The following ZFPM1 variants were observed in gnomAD, a reference collection of about 807,000 sequenced individuals.
ZFPM1 encodes zinc finger protein ZFPM1.
ZFPM1 carries 28 observed loss-of-function variants against 46.3 expected under a neutral mutation model. The ratio of observed to expected loss-of-function variants is 0.60; its 90% CI spans 0.45 to 0.83. The LOEUF is 0.83. Ranked by LOEUF, ZFPM1 falls within the 40% of genes least tolerant of loss-of-function variation. ZFPM1 has a pLI of 0.00. For synonymous variants in ZFPM1, 957 were observed against 675.9 expected (o/e 1.42, Z -6.45); for missense variants, 1,878 against 1,432.4 (o/e 1.31, Z -5.02).
rs139273652 is a variant in ZFPM1 at position 88,517,977 on chromosome 16, G to A, written c.402+3457G>A. Among the ~76,000 whole-genome samples the A allele has an allele frequency of 6.4e-3, 970 of 152,164 alleles. 8 individuals carry two copies. The highest frequency in any genetic ancestry group is 0.022 in the African/African-American group (917 of 41,526). On this transcript the variant is annotated intron_variant, in intron 4 of 9. Coordinates refer to ENST00000319555, the MANE Select transcript of ZFPM1 (RefSeq NM_153813.3). ...TGTAATCCCAGCACTTTGGGAGGCC[G>A]AGGTGGGCGGATCATGAAGTCAGGA...
chr16:88,484,069 C>G (rs1909087413), intron 1 of ZFPM1, among the ~76,000 whole-genome samples: 1 of 152,208 alleles, frequency 6.6e-6, no homozygotes, highest in South Asian at 2.1e-4. Flanking sequence ...TCCGACCAGC[C>G]CATCTCCCTC....
chr16:88,460,379 C>T (rs982586630), intron 1 of ZFPM1, among the ~76,000 whole-genome samples: 2 of 152,216 alleles, frequency 1.3e-5, no homozygotes, highest in African/African-American at 4.8e-5. Flanking sequence ...GGGGAGCTGC[C>T]TGCCATCTTT....
At chr16:88,514,330 G>A in intron 3 of ZFPM1, 57 bp from the exon 4 acceptor site, 7 of 1,545,638 alleles carry the variant, frequency 4.5e-6, no homozygotes, top group Non-Finnish European at 6.1e-6. Flanking sequence ...CTAGCGGGAG[G>A]TGGGCTGGAC....
At chr16:88,479,773 C>T (rs1341282341) in intron 1 of ZFPM1, among the ~76,000 whole-genome samples, 32 of 149,238 alleles carry the variant, frequency 2.1e-4, no homozygotes, top group African/African-American at 7.7e-4. Context: ...TCTGCCTCCC[C>T]AGCCCCACCC....
chr16:88,503,503 C>T (rs1342723045), intron 3 of ZFPM1, among the ~76,000 whole-genome samples: 1 of 151,174 alleles, frequency 6.6e-6, no homozygotes. Flanking sequence ...TGGGGAGGGG[C>T]CGGCCTGTTC....
rs764240451 is a variant in ZFPM1, at chr16:88,534,326, G to C, written c.2368G>C (p.Ala790Pro). 1.5e-6 allele frequency: 2 copies of C among 1,338,178 alleles called. No individual in the cohort carries two copies. The highest frequency in any genetic ancestry group is 1.9e-6 in the Non-Finnish European group (2 of 1,045,256). 82.9% of individuals were successfully genotyped at this position (1,338,178 alleles called of 1,614,324 possible). A position where few individuals can be genotyped will look rare whatever the true frequency, so the allele number is the denominator to read the frequency against. Residue 790 changes from alanine to proline, a missense_variant, in exon 10 of 10, where the codon GCG (alanine) becomes CCG (proline). Transcript: ENST00000319555. ...CGCCCCTGCGCGCTCGCCCGGCCCC[G>C]CGGCCGACGGCCCCATCGACCTGAG... is the stretch of plus-strand genomic sequence containing the variant. ...GLAPARSPGP[A>P]ADGPIDLSKK... is the part of the protein sequence containing the mutation.
At chr16:88,465,803 C>G (rs1908107864) in intron 1 of ZFPM1, among the ~76,000 whole-genome samples, 1 of 152,220 alleles carries the variant, frequency 6.6e-6, no homozygotes, top group Admixed American at 6.5e-5. Context: ...AAAGCCGCCT[C>G]CTTCAGCTGA....
At chr16:88,500,891 C>G (rs1056257338) in intron 3 of ZFPM1, among the ~76,000 whole-genome samples, 1 of 152,256 alleles carries the variant, frequency 6.6e-6, no homozygotes, top group Admixed American at 6.5e-5. Context: ...CCCTAGACGG[C>G]ACCTCGGTGT....
In ZFPM1 at chr16:88,533,994, AC is replaced by A. The variant is rs1230884003; in HGVS notation, c.2040del (p.Ser681AlafsTer117). On this transcript the variant is annotated frameshift_variant, in exon 10 of 10. Transcript: ENST00000319555. LOFTEE classifies it low-confidence loss of function (END_TRUNC). ...PGSSVDDAED[D>X]PSRTLCEACN... ...AGCTCCGTGGACGACGCGGAGGACG[AC>A]CCCAGCCGCACGCTGTGCGAGGCCT... 7.4e-7 allele frequency: 1 copy of A among 1,352,462 alleles called. No homozygotes were observed. The highest frequency in any genetic ancestry group is 1.2e-5 in the South Asian group (1 of 80,382). 83.8% of individuals were successfully genotyped at this position (1,352,462 alleles called of 1,614,324 possible).
intron 6 of ZFPM1, chr16:88,530,432 G>A (rs889048365): frequency 6.6e-6 from 1 of 152,210 alleles, no homozygotes; most frequent in Non-Finnish European, 1.5e-5. Context: ...CACACATCTT[G>A]TTGACATACC....
At chr16:88,520,356 T>C (rs924578357) in intron 4 of ZFPM1, among the ~76,000 whole-genome samples, 1 of 149,986 alleles carries the variant, frequency 6.7e-6, no homozygotes, top group African/African-American at 2.5e-5. Context: ...GATAGATGAA[T>C]AGATGGGTGG....
intron 3 of ZFPM1, among the ~76,000 whole-genome samples, chr16:88,491,575 C>T (rs981091365): frequency 1.3e-5 from 2 of 152,178 alleles, no homozygotes. Flanking sequence ...TCCATCCCTG[C>T]GGTGTTGAGA....
Position 88,534,925 on chromosome 16 carries a change from C to A in ZFPM1, c.2967C>A (p.Phe989Leu). Reference protein sequence around the residue: ...CNIKFSSLSTFIAHKKYYCSS... With the variant: ...CNIKFSSLSTLIAHKKYYCSS... ...TCAAGTTCAGCAGCCTGTCCACCTT[C>A]ATCGCCCACAAGAAGTATTACTGCT... Residue 989 changes from phenylalanine to leucine, a missense_variant, in exon 10 of 10, where the codon TTC (phenylalanine) becomes TTA (leucine). Phe to Leu is a conservative substitution (Grantham distance 22, BLOSUM62 0). Coordinates refer to ENST00000319555, the MANE Select transcript of ZFPM1 (RefSeq NM_153813.3). 1 of 1,548,648 alleles carries A rather than the reference C, an allele frequency of 6.5e-7. No homozygotes were observed. Among genetic ancestry groups the A allele is most frequent in the Non-Finnish European group, 8.7e-7 (1 of 1,148,780 alleles).
At chr16:88,473,694 C>T (rs1457730324) in intron 1 of ZFPM1, among the ~76,000 whole-genome samples, 2 of 152,120 alleles carry the variant, frequency 1.3e-5, no homozygotes, top group East Asian at 1.9e-4. Context: ...GGAGGGGGGT[C>T]GCTCCCCAGC....
rs1369999722 is a variant in ZFPM1, at chr16:88,536,483, C to G, written c.*1504C>G. On this transcript the variant is annotated 3_prime_UTR_variant, in exon 10 of 10. Coordinates refer to ENST00000319555, the MANE Select transcript of ZFPM1 (RefSeq NM_153813.3). ...GCTACCATTCCCAGCCCATTTCCAA[C>G]TCTACTTGAACTAGCTGCATTTTTT... 6.6e-6 allele frequency: 1 copy of G among 152,272 alleles called. No homozygotes were observed. The highest frequency in any genetic ancestry group is 2.4e-5 in the African/African-American group (1 of 41,468). 9.4% of individuals were successfully genotyped at this position (152,272 alleles called of 1,614,324 possible). A position where few individuals can be genotyped will look rare whatever the true frequency, so the allele number is the denominator to read the frequency against.
Position 88,491,091 on chromosome 16 carries a change from C to T in ZFPM1, c.268+1938C>T, listed in dbSNP as rs112676047. 3.5e-3 allele frequency among the ~76,000 whole-genome samples: 526 copies of T among 150,366 alleles called. 3 individuals carry two copies. Among genetic ancestry groups the T allele is most frequent in the Middle Eastern group, 0.01 (3 of 294 alleles). On this transcript the variant is annotated intron_variant, in intron 3 of 9. Coordinates refer to ENST00000319555, the MANE Select transcript of ZFPM1 (RefSeq NM_153813.3). ...GGTGCCTTCGCGGGTCCCAGTCAGG[C>T]GCTGGTGCCTTCGGGGGTCCCAGTC...
In ZFPM1 at chr16:88,533,679, C is replaced by G. The variant is rs775597057; in HGVS notation, c.1721C>G (p.Pro574Arg). Residue 574 changes from proline to arginine, a missense_variant, in exon 10 of 10, where the codon CCC (proline) becomes CGC (arginine). Physicochemically the swap from Pro to Arg is moderately radical, Grantham distance 103. Coordinates refer to ENST00000319555, the MANE Select transcript of ZFPM1 (RefSeq NM_153813.3). ...GAQTGLFPGAPKGATCFECEI... is the reference protein window; with the variant it reads ...GAQTGLFPGARKGATCFECEI... ...CAGACCGGGCTCTTCCCCGGGGCCCCCAAGGGCGCTACGTGCTTCGAGTGC... is the reference window on the plus strand; with the variant it reads ...CAGACCGGGCTCTTCCCCGGGGCCCGCAAGGGCGCTACGTGCTTCGAGTGC... 2 of 1,494,844 alleles carry G rather than the reference C, an allele frequency of 1.3e-6. No homozygotes were observed. The highest frequency in any genetic ancestry group is 1.8e-6 in the Non-Finnish European group (2 of 1,117,798). The allele number at this position is 1,494,844 out of a possible 1,614,324, so 92.6% of individuals were successfully genotyped here.
chr16:88,529,090 G>A (rs1912575333), intron 6 of ZFPM1, among the ~76,000 whole-genome samples: 1 of 152,256 alleles, frequency 6.6e-6, no homozygotes, highest in Admixed American at 6.5e-5. Context: ...GGCCAGACTG[G>A]GCAACACAGA....
upstream of ZFPM1, among the ~76,000 whole-genome samples, chr16:88,451,797 C>T (rs1451766659): frequency 2.6e-5 from 4 of 152,300 alleles, no homozygotes; most frequent in African/African-American, 4.8e-5. Context: ...CTGGAGGACC[C>T]GTATGCCCCT....
Sources: allele counts gnomAD v4.1 joint callset (sites outside exome capture counted in the v4.1 genomes callset), GRCh38; gene constraint gnomAD v4.1.1; transcripts MANE v1.5; gene names NCBI Gene and HGNC (gene_info 2026-07-23, HGNC 2026-07-21).